GRM4: variants seen among roughly 807,000 people sequenced by gnomAD.
GRM4 encodes metabotropic glutamate receptor 4.
In GRM4, 28 loss-of-function variants were observed where a neutral mutation model predicts 81.7. The ratio of observed to expected loss-of-function variants is 0.34; its 90% confidence interval spans 0.25 to 0.47. GRM4 has a LOEUF of 0.47. Among genes scored for constraint, GRM4 ranks in the 20% least tolerant of loss-of-function variants. The probability of loss-of-function intolerance (pLI) is 1.00; values close to 1 mark genes in which losing one functional copy is unlikely to be tolerated. For missense variants in GRM4, 948 were observed against 1,290.0 expected, an observed-to-expected ratio of 0.73 and a Z score of 4.06; for synonymous variants, 488 against 528.8, an observed-to-expected ratio of 0.92 and a Z score of 1.06.
chr6:34,091,721 GGACC>G, intron 3 of GRM4, 158 bp downstream of exon 3: 1 of 611,200 alleles, frequency 1.6e-6, no homozygotes, highest in East Asian at 2.8e-5. Flanking sequence ...GTGAGGCCAT[GGACC>G]AAACCACAGT....
intron 2 of GRM4, among the ~76,000 whole-genome samples, chr6:34,104,343 G>A (rs944257582): frequency 1.3e-5 from 2 of 152,206 alleles, no homozygotes; most frequent in Non-Finnish European, 2.9e-5. Context: ...GCAGCAGCAC[G>A]AGGCTACTGG....
At chr6:34,142,593 G>C (rs1005756604) in intron 1 of GRM4, among the ~76,000 whole-genome samples, 1 of 152,228 alleles carries the variant, frequency 6.6e-6, no homozygotes, top group Non-Finnish European at 1.5e-5. Context: ...GCGCTGGACT[G>C]TGGACCCCTC....
intron 6 of GRM4, among the ~76,000 whole-genome samples, chr6:34,054,004 T>C (rs965161011): frequency 6.6e-6 from 1 of 152,188 alleles, no homozygotes; most frequent in Non-Finnish European, 1.5e-5. Flanking sequence ...GCTTTACAGC[T>C]GCCACTTACA....
At chr6:34,086,841 G>A (rs1272800157) in intron 3 of GRM4, among the ~76,000 whole-genome samples, 2 of 152,226 alleles carry the variant, frequency 1.3e-5, no homozygotes, top group African/African-American at 4.8e-5. Flanking sequence ...ACAGGCCTGG[G>A]CCAGGTGCAG....
chr6:34,026,052 G>A (rs1002764569), intron 10 of GRM4, among the ~76,000 whole-genome samples: 2 of 152,174 alleles, frequency 1.3e-5, no homozygotes, highest in Non-Finnish European at 2.9e-5. Context: ...TGCCGGAGGC[G>A]CAGATAACAA....
Position 34,036,429 on chromosome 6 carries a change from G to A in GRM4, c.1681C>T (p.Pro561Ser). 6.2e-7 allele frequency: 1 copy of A among 1,613,468 alleles called. No individual in the cohort carries two copies. Among genetic ancestry groups the A allele is most frequent in the Non-Finnish European group, 8.5e-7 (1 of 1,179,730 alleles). The change falls in exon 9 of 11, where the codon CCC (proline) becomes TCC (serine). Residue 561 changes from proline to serine, a missense_variant. Coordinates refer to ENST00000538487, the MANE Select transcript of GRM4 (RefSeq NM_000841.4). The surrounding 1 kb of genome is among the most constrained non-coding windows in gnomAD (Gnocchi z 9.0). ...QVDRYTCKTC[P>S]YDMRPTENRT... ...TTCTCTGTGGGCCGCATGTCATAGG[G>A]ACACGTCTTACAGGTGTAGCGGTCC...
chr6:34,150,937 A>G (rs559026154), upstream of GRM4, among the ~76,000 whole-genome samples: 1 of 152,290 alleles, frequency 6.6e-6, no homozygotes, highest in African/African-American at 2.4e-5. Context: ...TGGGTGCTCA[A>G]TGGGTCACCC....
chr6:34,037,821 C>T (rs1764790787), intron 8 of GRM4, among the ~76,000 whole-genome samples: 1 of 147,554 alleles, frequency 6.8e-6, no homozygotes, highest in East Asian at 2.0e-4. Flanking sequence ...CAAGATCATG[C>T]CACTGCGCTC....
intron 8 of GRM4, among the ~76,000 whole-genome samples, chr6:34,039,964 T>A (rs1764915574): frequency 6.6e-6 from 1 of 152,156 alleles, no homozygotes; most frequent in African/African-American, 2.4e-5. Flanking sequence ...GGGACCAGAA[T>A]GGCAGCAGAA....
At chr6:34,125,913 T>C (rs939370721) in intron 2 of GRM4, among the ~76,000 whole-genome samples, 1 of 152,182 alleles carries the variant, frequency 6.6e-6, no homozygotes, top group African/African-American at 2.4e-5. Flanking sequence ...CAACCCTTTC[T>C]CTCCATCCCC....
intron 8 of GRM4, 148 bp downstream of exon 8, chr6:34,040,029 TG>T: frequency 2.7e-6 from 2 of 752,912 alleles, no homozygotes; most frequent in Non-Finnish European, 4.5e-6. Context: ...CGCTGAGGTC[TG>T]GGAGAGGGCA....
chr6:34,151,781 A>T (rs1190957621), intron 1 of GRM4, among the ~76,000 whole-genome samples: 1 of 146,236 alleles, frequency 6.8e-6, no homozygotes, highest in Admixed American at 7.0e-5. Flanking sequence ...CTCTTCCAGG[A>T]TCTTGTTGCA....
At chr6:34,062,940 A>G (rs1244645239) in intron 3 of GRM4, 1 of 152,210 alleles carries the variant, frequency 6.6e-6, no homozygotes, top group African/African-American at 2.4e-5. Context: ...TGAAGCTCAG[A>G]GAAGAGAAGT....
intron 1 of GRM4, among the ~76,000 whole-genome samples, chr6:34,151,833 C>G (rs903305639): frequency 2.6e-5 from 4 of 152,080 alleles, no homozygotes; most frequent in Non-Finnish European, 5.9e-5. Flanking sequence ...GTCCACAGCA[C>G]TCAGGGTCCT....
rs997821393 is a variant in GRM4 at position 34,078,646 on chromosome 6, C to T, written c.736+13237G>A. Among the ~76,000 whole-genome samples, 7 of 152,094 alleles carry T rather than the reference C, an allele frequency of 4.6e-5. No individual in the cohort carries two copies. The highest frequency in any genetic ancestry group is 2.1e-4 in the South Asian group (1 of 4,820). On this transcript the variant is annotated intron_variant, in intron 3 of 10. Coordinates refer to ENST00000538487, the MANE Select transcript of GRM4 (RefSeq NM_000841.4). This position sits in a 1 kb window ranked among gnomAD's most constrained non-coding sequence, Gnocchi z 4.8. ...CAGGGAGATGGTCACAGGGCCTCCA[C>T]TGTCCCCTGTCCCGCACCCCTCCGC...
At chr6:34,145,856 T>A in intron 1 of GRM4, 144 bp downstream of exon 1, 18 of 238,284 alleles carry the variant, frequency 7.6e-5, no homozygotes, top group Non-Finnish European at 1.2e-4. Flanking sequence ...CACCTCCACC[T>A]CCGGAAGGCC....
At chr6:34,102,050 G>A in intron 2 of GRM4, 1 of 1,535,644 alleles carries the variant, frequency 6.5e-7, no homozygotes, top group Non-Finnish European at 8.7e-7. Context: ...GCATGGCCCT[G>A]AAGTCCTAAG....
At chr6:34,051,539 C>T (rs1375774158) in intron 6 of GRM4, among the ~76,000 whole-genome samples, 2 of 152,122 alleles carry the variant, frequency 1.3e-5, no homozygotes, top group African/African-American at 2.4e-5. Flanking sequence ...TCCGCTCAGC[C>T]GTCACCTGGC....
chr6:34,043,895 C>T (rs1267111966), intron 6 of GRM4, among the ~76,000 whole-genome samples: 1 of 152,150 alleles, frequency 6.6e-6, no homozygotes, highest in Non-Finnish European at 1.5e-5. Context: ...AGTGCTGTCA[C>T]AGCAGCGTGG....
Sources: gnomAD v4.1 joint callset for allele counts (sites outside exome capture counted in the v4.1 genomes callset) on GRCh38, gnomAD v4.1.1 for gene constraint, Gnocchi (gnomAD v3.1) non-coding constraint, MANE v1.5 for transcripts, NCBI Gene and HGNC (gene_info 2026-07-23, HGNC 2026-07-21) for gene names.